Variants in ZNF385D observed in about 807,000 individuals in gnomAD.
ZNF385D encodes the protein zinc finger protein 385D, also known as zinc finger protein 659.
A neutral mutation model predicts 35.8 loss-of-function variants in ZNF385D; 15 were observed. The observed-to-expected ratio is 0.42, with a 90% CI of 0.28 to 0.64. The LOEUF (loss-of-function observed/expected upper bound fraction) is 0.64. Ranked by LOEUF, ZNF385D falls within the 30% of genes least tolerant of loss-of-function variation. ZNF385D has a pLI of 0.23. For missense variants in ZNF385D, 474 were observed against 494.6 expected (o/e 0.96, Z 0.39); for synonymous variants, 212 against 186.8 (o/e 1.13, Z -1.10).
At chr3:22,296,064 C>T (rs1702560224) in intron 2 of ZNF385D, among the ~76,000 whole-genome samples, 1 of 152,106 alleles carries the variant, frequency 6.6e-6, no homozygotes, top group Non-Finnish European at 1.5e-5. Flanking sequence ...GGCCGCATAC[C>T]ATCTATCTAA....
intron 2 of ZNF385D, among the ~76,000 whole-genome samples, chr3:22,348,017 A>G (rs982459966): frequency 6.6e-6 from 1 of 152,290 alleles, no homozygotes; most frequent in South Asian, 2.1e-4. Context: ...GAATTTTGTG[A>G]TAATTGCAGC....
At chr3:21,513,452 C>T (rs1429592745) in intron 3 of ZNF385D, among the ~76,000 whole-genome samples, 2 of 152,080 alleles carry the variant, frequency 1.3e-5, no homozygotes, top group African/African-American at 2.4e-5. Context: ...TATTGAATGA[C>T]AGTACCAAAA....
At chr3:21,932,192 A>AAAAAAAAAAAAAAC (rs1701047022) in intron 3 of ZNF385D, among the ~76,000 whole-genome samples, 1 of 141,332 alleles carries the variant, frequency 7.1e-6, no homozygotes, top group Non-Finnish European at 1.5e-5. Flanking sequence ...AAAAAAAAAA[A>AAAAAAAAAAAAAAC]AAGTGTGACT....
chr3:22,078,653 G>A (rs895778502), intron 3 of ZNF385D, among the ~76,000 whole-genome samples: 1 of 152,068 alleles, frequency 6.6e-6, no homozygotes, highest in Non-Finnish European at 1.5e-5. Flanking sequence ...ATCTCTAATA[G>A]TGACAGGTGA....
At chr3:21,992,830 A>G (rs1695227592) in intron 3 of ZNF385D, among the ~76,000 whole-genome samples, 1 of 152,114 alleles carries the variant, frequency 6.6e-6, no homozygotes, top group Non-Finnish European at 1.5e-5. Flanking sequence ...ATTTTGAATT[A>G]TTTGCAATAA....
At chr3:21,517,333 C>T (rs1453394095) in intron 3 of ZNF385D, among the ~76,000 whole-genome samples, 2 of 151,988 alleles carry the variant, frequency 1.3e-5, no homozygotes, top group Non-Finnish European at 2.9e-5. Flanking sequence ...TGTGAAGGGT[C>T]GTAGAAACAG....
chr3:22,034,120 C>T (rs958417663), intron 3 of ZNF385D, among the ~76,000 whole-genome samples: 9 of 151,998 alleles, frequency 5.9e-5, no homozygotes, highest in African/African-American at 2.2e-4. Flanking sequence ...TGTTTGTGTT[C>T]CCCCCAAATT....
At chr3:21,791,531 T>G (rs1393595577) in intron 3 of ZNF385D, among the ~76,000 whole-genome samples, 1 of 152,204 alleles carries the variant, frequency 6.6e-6, no homozygotes, top group Admixed American at 6.5e-5. Context: ...TTTCCTGTCC[T>G]GCTTTGGAGA....
intron 3 of ZNF385D, among the ~76,000 whole-genome samples, chr3:22,096,359 T>A (rs1281431605): frequency 1.5e-5 from 2 of 132,420 alleles, no homozygotes; most frequent in African/African-American, 5.1e-5. Context: ...CAAATTTTTT[T>A]AAAAGAAAAA....
chr3:21,774,125 T>C (rs940395820), intron 3 of ZNF385D, among the ~76,000 whole-genome samples: 1 of 151,922 alleles, frequency 6.6e-6, no homozygotes, highest in African/African-American at 2.4e-5. Flanking sequence ...TTCAGGGACA[T>C]GGATGGAGCT....
At chr3:21,850,608 G>A (rs995008707) in intron 3 of ZNF385D, among the ~76,000 whole-genome samples, 1 of 152,090 alleles carries the variant, frequency 6.6e-6, no homozygotes, top group African/African-American at 2.4e-5. Context: ...AGCCAGAAAA[G>A]ATCAATTAAT....
chr3:21,440,179 A>G (rs994253160), intron 4 of ZNF385D, among the ~76,000 whole-genome samples: 4 of 152,272 alleles, frequency 2.6e-5, no homozygotes, highest in Admixed American at 2.6e-4. Flanking sequence ...ATGCATACAT[A>G]TAGCAAAGAA....
At chr3:21,931,116 G>C (rs530446864) in intron 3 of ZNF385D, among the ~76,000 whole-genome samples, 34 of 152,022 alleles carry the variant, frequency 2.2e-4, no homozygotes, top group Non-Finnish European at 4.3e-4. Context: ...ATAATAAAAA[G>C]ACAAATAAAA....
At chr3:21,805,166 T>C (rs887361557) in intron 3 of ZNF385D, among the ~76,000 whole-genome samples, 1 of 152,242 alleles carries the variant, frequency 6.6e-6, no homozygotes, top group African/African-American at 2.4e-5. Context: ...AAAACAGTAC[T>C]AGATGCAGTT....
intron 3 of ZNF385D, among the ~76,000 whole-genome samples, chr3:21,827,821 G>A (rs1162454083): frequency 1.3e-5 from 2 of 152,178 alleles, no homozygotes; most frequent in African/African-American, 4.8e-5. Flanking sequence ...TGATCCCTTT[G>A]AAGTTTGCCT....
At chr3:21,605,250 T>C (rs115036567) in intron 2 of ZNF385D, among the ~76,000 whole-genome samples, 2,988 of 152,182 alleles carry the variant, frequency 0.02, 46 homozygotes, top group Non-Finnish European at 0.03. Context: ...ACACAAGATA[T>C]GTGAGCCCCA....
intron 4 of ZNF385D, among the ~76,000 whole-genome samples, chr3:21,499,609 A>G (rs1464040496): frequency 1.3e-5 from 2 of 151,992 alleles, no homozygotes; most frequent in Non-Finnish European, 2.9e-5. Context: ...CAAACCTTCA[A>G]ATGCACCACT....
intron 2 of ZNF385D, among the ~76,000 whole-genome samples, chr3:22,184,549 G>C (rs912355355): frequency 6.6e-6 from 1 of 152,110 alleles, no homozygotes; most frequent in African/African-American, 2.4e-5. Context: ...AACGGGGCCA[G>C]GTACAGTGGC....
At chr3:22,164,081 G>C (rs1052201618) in intron 3 of ZNF385D, among the ~76,000 whole-genome samples, 3 of 152,074 alleles carry the variant, frequency 2.0e-5, no homozygotes, top group Admixed American at 6.6e-5. Context: ...TGGGGGATAG[G>C]TAAAAGAAAT....
Sources: allele counts gnomAD v4.1 joint callset (sites outside exome capture counted in the v4.1 genomes callset), GRCh38; gene constraint gnomAD v4.1.1; transcripts MANE v1.5; gene names NCBI Gene and HGNC (gene_info 2026-07-23, HGNC 2026-07-21).